CSK: variants seen among roughly 807,000 people sequenced by gnomAD.
CSK encodes the protein C-terminal Src kinase, also known as tyrosine-protein kinase CSK.
In CSK, 7 loss-of-function variants were observed where a neutral mutation model predicts 62.3. The ratio of observed to expected loss-of-function variants is 0.11; its 90% CI spans 0.06 to 0.21. CSK has a LOEUF of 0.21. Ranked by LOEUF, CSK falls within the 10% of genes least tolerant of loss-of-function variation. CSK has a pLI of 1.00. For missense variants in CSK, 294 were observed against 613.5 expected (o/e 0.48, Z 5.50); for synonymous variants, 237 against 246.0 (o/e 0.96, Z 0.34).
rs1308916357 is a variant in CSK at position 74,798,786 on chromosome 15, A to G, written c.130-40A>G. ...TGCTGGGCCTTCCCTCTGCAGGGGG[A>G]GGTGGGCCTGAGAGCATGTCTGGGC... On this transcript the variant is annotated intron_variant, in intron 3 of 12. Transcript: ENST00000220003. The surrounding 1 kb of genome is among the most constrained non-coding windows in gnomAD (Gnocchi z 6.6). 1.2e-6 allele frequency: 2 copies of G among 1,602,612 alleles called. No individual in the cohort carries two copies. The highest frequency in any genetic ancestry group is 1.7e-6 in the Non-Finnish European group (2 of 1,172,048).
intron 1 of CSK, among the ~76,000 whole-genome samples, chr15:74,789,404 G>C (rs3784790): frequency 0.66 from 100,863 of 152,064 alleles, 33,876 homozygotes; most frequent in Non-Finnish European, 0.72. Flanking sequence ...GGAAGCCCTC[G>C]GGCACCCTTC....
chr15:74,784,164 G>A (rs935959155), intron 1 of CSK, among the ~76,000 whole-genome samples: 1 of 152,242 alleles, frequency 6.6e-6, no homozygotes. Context: ...CCTTGGAGCT[G>A]CTGGCAGTTT....
intron 1 of CSK, among the ~76,000 whole-genome samples, chr15:74,784,866 T>C (rs1221623236): frequency 6.6e-6 from 1 of 152,200 alleles, no homozygotes; most frequent in Admixed American, 6.5e-5. Flanking sequence ...GGATGTTGAC[T>C]GAGTCTGGGA....
In CSK at chr15:74,799,499, G is replaced by C. The variant is rs756071051; in HGVS notation, c.462+8G>C. 6.2e-7 allele frequency: 1 copy of C among 1,610,000 alleles called. No individual in the cohort carries two copies. The highest frequency in any genetic ancestry group is 1.1e-5 in the South Asian group (1 of 90,584). On this transcript the variant is annotated splice_region_variant and intron_variant, in intron 5 of 12. Coordinates refer to ENST00000220003, the MANE Select transcript of CSK (RefSeq NM_004383.3). Reference sequence around the variant, plus strand: ...CTCATGCAGCTGGTGGAGGTGAGCTGGGGGGTACAGAGCCTTGCTCCCACC... The same window carrying C: ...CTCATGCAGCTGGTGGAGGTGAGCTCGGGGGTACAGAGCCTTGCTCCCACC...
chr15:74,786,014 T>TTTTTTTTTTTTTTTTGTGTGC (rs59387226), intron 1 of CSK, among the ~76,000 whole-genome samples: 1 of 78,798 alleles, frequency 1.3e-5, no homozygotes, highest in Non-Finnish European at 2.3e-5. Context: ...TTTTTTTTTT[T>TTTTTTTTTTTTTTTTGTGTGC]GTGTGTGTGT....
chr15:74,786,203 T>C (rs1329744081), intron 1 of CSK, among the ~76,000 whole-genome samples: 1 of 151,920 alleles, frequency 6.6e-6, no homozygotes, highest in Non-Finnish European at 1.5e-5. Flanking sequence ...GTATTTTTAG[T>C]AGCGATGGGG....
intron 1 of CSK, among the ~76,000 whole-genome samples, chr15:74,795,261 C>A (rs1283150833): frequency 1.3e-5 from 2 of 152,174 alleles, no homozygotes; most frequent in Non-Finnish European, 2.9e-5. Context: ...CTACTTCACA[C>A]CCCCAGCACT....
chr15:74,789,877 G>T (rs767651335), intron 1 of CSK, among the ~76,000 whole-genome samples: 1 of 152,200 alleles, frequency 6.6e-6, no homozygotes, highest in Non-Finnish European at 1.5e-5. Flanking sequence ...GAGGACAGGA[G>T]CCGGGTCTGC....
At chr15:74,793,668 G>A (rs958509986) in intron 1 of CSK, among the ~76,000 whole-genome samples, 3 of 152,240 alleles carry the variant, frequency 2.0e-5, no homozygotes, top group Non-Finnish European at 4.4e-5. Context: ...GCCATAACGT[G>A]CCAAGGACAG....
At chr15:74,801,174 C>G (rs2063786972) in intron 9 of CSK, 72 bp downstream of exon 9, 9 of 1,551,956 alleles carry the variant, frequency 5.8e-6, no homozygotes, top group Non-Finnish European at 8.0e-6. Flanking sequence ...TCTAGGGCCC[C>G]TGCTCCCTCA....
chr15:74,798,487 G>T lies in CSK; in HGVS notation c.16-128G>T, dbSNP rs762826293. ...CTCAACAGGAAGGGACCCAGGGCTCGTTCTCCGGGCAGAGCACCTCACCCA... is the reference window on the plus strand; with the variant it reads ...CTCAACAGGAAGGGACCCAGGGCTCTTTCTCCGGGCAGAGCACCTCACCCA... On this transcript the variant is annotated intron_variant, in intron 2 of 12. Transcript: ENST00000220003. The surrounding 1 kb of genome is among the most constrained non-coding windows in gnomAD (Gnocchi z 6.6). 1.6e-6 allele frequency: 2 copies of T among 1,219,140 alleles called. No individual in the cohort carries two copies. The highest frequency in any genetic ancestry group is 2.4e-6 in the Non-Finnish European group (2 of 844,848). 75.5% of individuals were successfully genotyped at this position (1,219,140 alleles called of 1,614,324 possible). A position where few individuals can be genotyped will look rare whatever the true frequency, so the allele number is the denominator to read the frequency against.
At chr15:74,791,159 T>C (rs1287225450) in intron 1 of CSK, among the ~76,000 whole-genome samples, 1 of 152,230 alleles carries the variant, frequency 6.6e-6, no homozygotes, top group East Asian at 1.9e-4. Flanking sequence ...TTTCCAAAGA[T>C]AATCGAGGCA....
intron 1 of CSK, among the ~76,000 whole-genome samples, chr15:74,792,774 C>G (rs138418539): frequency 1.8e-4 from 28 of 152,310 alleles, no homozygotes; most frequent in African/African-American, 6.5e-4. Flanking sequence ...GACGTCAGTG[C>G]TTGGGCACAA....
At chr15:74,800,076 T>C (rs1206776679) in intron 5 of CSK, among the ~76,000 whole-genome samples, 1 of 152,164 alleles carries the variant, frequency 6.6e-6, no homozygotes, top group Admixed American at 6.5e-5. Flanking sequence ...GCTTGGCCTG[T>C]GGCAGGTGAG....
chr15:74,797,030 T>C (rs1371360801), intron 1 of CSK, among the ~76,000 whole-genome samples: 2 of 152,008 alleles, frequency 1.3e-5, no homozygotes, highest in African/African-American at 4.8e-5. Context: ...AGCCTTGACC[T>C]CCCCAGGCTC....
intron 1 of CSK, among the ~76,000 whole-genome samples, chr15:74,786,480 G>A (rs913288453): frequency 5.9e-5 from 9 of 152,196 alleles, no homozygotes; most frequent in Admixed American, 5.9e-4. Flanking sequence ...CCTCATCTTC[G>A]CACCCTGTTC....
rs1419883378 is a variant in CSK at position 74,784,908 on chromosome 15, T to C, written c.-66+2188T>C. On this transcript the variant is annotated intron_variant, in intron 1 of 12. Coordinates refer to ENST00000220003, the MANE Select transcript of CSK (RefSeq NM_004383.3). ...AAGTAGGGACAGATTCTCATATGTC[T>C]GAGGGACTGTCCCAAATGAGAAAGG... 5.3e-5 allele frequency among the ~76,000 whole-genome samples: 8 copies of C among 152,296 alleles called. No individual in the cohort carries two copies. In the East Asian group the frequency reaches 1.5e-3, roughly 29 times the overall value.
chr15:74,798,395 C>A lies in CSK; in HGVS notation c.15+83C>A. ...GCTTAGCAGAGGAGAGAGGATGCAG[C>A]TTAGATCAACCCACTCCCCTTTTTC... On this transcript the variant is annotated intron_variant, in intron 2 of 12. Coordinates refer to ENST00000220003, the MANE Select transcript of CSK (RefSeq NM_004383.3). The surrounding 1 kb of genome is among the most constrained non-coding windows in gnomAD (Gnocchi z 6.6). The A allele has an allele frequency of 6.5e-7, 1 of 1,529,738 alleles. No individual in the cohort carries two copies. Among genetic ancestry groups the A allele is most frequent in the Non-Finnish European group, 8.9e-7 (1 of 1,120,834 alleles). 94.8% of individuals were successfully genotyped at this position (1,529,738 alleles called of 1,614,324 possible). A position where few individuals can be genotyped will look rare whatever the true frequency, so the allele number is the denominator to read the frequency against.
At chr15:74,788,485 G>C (rs1412108004) in intron 1 of CSK, 1 of 152,254 alleles carries the variant, frequency 6.6e-6, no homozygotes, top group Non-Finnish European at 1.5e-5. Flanking sequence ...GAAGGATTAA[G>C]TAACTAATGC....
Sources: allele counts gnomAD v4.1 joint callset (sites outside exome capture counted in the v4.1 genomes callset), GRCh38; gene constraint gnomAD v4.1.1; non-coding constraint Gnocchi (gnomAD v3.1); transcripts MANE v1.5; gene names NCBI Gene and HGNC (gene_info 2026-07-23, HGNC 2026-07-21).